AGPAT4: variants seen among roughly 807,000 people sequenced by gnomAD.
AGPAT4 encodes 1-acyl-sn-glycerol-3-phosphate acyltransferase delta.
Under a neutral mutation model 48.0 loss-of-function variants are expected in AGPAT4, and 15 were observed. That is an observed-to-expected ratio of 0.31 (90% CI 0.21 to 0.48). AGPAT4 has a LOEUF of 0.48. AGPAT4 is among the 20% of genes least tolerant of loss of function. The pLI, the probability that AGPAT4 is intolerant of heterozygous loss-of-function variation, is 0.99. For missense variants in AGPAT4, 314 were observed against 482.5 expected, an observed-to-expected ratio of 0.65 and a Z score of 3.27; for synonymous variants, 178 against 198.7, an observed-to-expected ratio of 0.90 and a Z score of 0.88.
rs575702737 is a variant in AGPAT4, at chr6:161,184,396, G to A, written c.179-17979C>T. 7.2e-5 allele frequency among the ~76,000 whole-genome samples: 11 copies of A among 152,200 alleles called. No homozygotes were observed. In the South Asian group the frequency reaches 2.1e-3, roughly 29 times the overall value. ...GTCCTGAATAGCTGGGGAAGGACTT[G>A]CTGTTAACTGGGTTGGGGAGCATGG... On this transcript the variant is annotated intron_variant, in intron 2 of 8. Coordinates refer to ENST00000320285, the MANE Select transcript of AGPAT4 (RefSeq NM_020133.3). This position sits in a 1 kb window ranked among gnomAD's most constrained non-coding sequence, Gnocchi z 4.8.
In AGPAT4 at chr6:161,226,073, T is replaced by C. The variant is rs1474143890; in HGVS notation, c.178+5963A>G. On this transcript the variant is annotated intron_variant, in intron 2 of 8. Transcript: ENST00000320285. The surrounding 1 kb of genome is among the most constrained non-coding windows in gnomAD (Gnocchi z 6.3). ...GGGAAGGCGATCACCATCTGGGAACTGATAAGGATGACTCTTTGGACCTTC... is the reference window on the plus strand; with the variant it reads ...GGGAAGGCGATCACCATCTGGGAACCGATAAGGATGACTCTTTGGACCTTC... Among the ~76,000 whole-genome samples the C allele has an allele frequency of 2.0e-5, 3 of 152,172 alleles. No homozygotes were observed. The highest frequency in any genetic ancestry group is 7.2e-5 in the African/African-American group (3 of 41,446).
In AGPAT4 at chr6:161,134,511, T is replaced by G. The variant is rs1217097746; in HGVS notation, c.*2029A>C. The G allele has an allele frequency of 6.6e-6, 1 of 152,166 alleles. No individual in the cohort carries two copies. Among genetic ancestry groups the G allele is most frequent in the East Asian group, 1.9e-4 (1 of 5,190 alleles). The allele number at this position is 152,166 out of a possible 1,614,324, so 9.4% of individuals were successfully genotyped here. On this transcript the variant is annotated 3_prime_UTR_variant, in exon 9 of 9. Transcript: ENST00000320285. ...CCTTGGCTTAGTGCTTTAGGATTCT[T>G]AAAGTGTGCTCTTTTACCCTTGACA... is the stretch of plus-strand genomic sequence containing the variant.
At position 161,171,031 on chromosome 6, in the gene AGPAT4, T is replaced by G. The variant is rs1330524179; in HGVS notation, c.179-4614A>C. On this transcript the variant is annotated intron_variant, in intron 2 of 8. Transcript: ENST00000320285. This position sits in a 1 kb window ranked among gnomAD's most constrained non-coding sequence, Gnocchi z 4.4. Reference sequence around the variant, plus strand: ...TATTATTTAGAACCTCCAATTTAACTCAGAAAGTTACCAGTGGGCACCTGA... The same window carrying G: ...TATTATTTAGAACCTCCAATTTAACGCAGAAAGTTACCAGTGGGCACCTGA... Among the ~76,000 whole-genome samples, 4 of 152,196 alleles carry G rather than the reference T, an allele frequency of 2.6e-5. No homozygotes were observed. Among genetic ancestry groups the G allele is most frequent in the Non-Finnish European group, 5.9e-5 (4 of 68,030 alleles).
In AGPAT4 at chr6:161,139,823, G is replaced by A. The variant is rs1208710542; in HGVS notation, c.844-203C>T. The stretch of plus-strand genomic sequence containing the variant: ...CTGCATCTGGCCGCCCCTCCCACAG[G>A]GACACTGGGAGTGGTGGGGCCGCTG... On this transcript the variant is annotated intron_variant, in intron 7 of 8. Coordinates refer to ENST00000320285, the MANE Select transcript of AGPAT4 (RefSeq NM_020133.3). The surrounding 1 kb of genome is among the most constrained non-coding windows in gnomAD (Gnocchi z 9.1). 6.6e-6 allele frequency among the ~76,000 whole-genome samples: 1 copy of A among 152,228 alleles called. No individual in the cohort carries two copies. Among genetic ancestry groups the A allele is most frequent in the Non-Finnish European group, 1.5e-5 (1 of 68,036 alleles).
In AGPAT4 at chr6:161,198,736, C is replaced by T. The variant is rs969348770; in HGVS notation, c.179-32319G>A. ...AAGGAACTCCGCAGAGTGCTGGGAACACTATATGCAGTCTGTTTTTTCCTT... is the reference window on the plus strand; with the variant it reads ...AAGGAACTCCGCAGAGTGCTGGGAATACTATATGCAGTCTGTTTTTTCCTT... On this transcript the variant is annotated intron_variant, in intron 2 of 8. Coordinates refer to ENST00000320285, the MANE Select transcript of AGPAT4 (RefSeq NM_020133.3). This position sits in a 1 kb window ranked among gnomAD's most constrained non-coding sequence, Gnocchi z 4.3. Among the ~76,000 whole-genome samples the T allele has an allele frequency of 2.1e-5, 3 of 145,242 alleles. No homozygotes were observed. Among genetic ancestry groups the T allele is most frequent in the African/African-American group, 8.5e-5 (3 of 35,424 alleles).
In AGPAT4 at chr6:161,190,084, G is replaced by A. The variant is rs767063700; in HGVS notation, c.179-23667C>T. Among the ~76,000 whole-genome samples, 7 of 152,182 alleles carry A rather than the reference G, an allele frequency of 4.6e-5. No homozygotes were observed. The South Asian group carries it at 6.2e-4, about 14-fold the overall frequency. On this transcript the variant is annotated intron_variant, in intron 2 of 8. Transcript: ENST00000320285. ...GAAGCTGATGTCATTTAGATGAGCT[G>A]TATCTGAAGTGCAGCCATGTATGTG...
In AGPAT4 at chr6:161,201,657, G is replaced by A. The variant is rs1313915056; in HGVS notation, c.178+30379C>T. Reference sequence around the variant, plus strand: ...TGCAGATTCCTAGATCTGGAGAGAGGAGCCTGAGATTCCCCACTTGTAGCA... The same window carrying A: ...TGCAGATTCCTAGATCTGGAGAGAGAAGCCTGAGATTCCCCACTTGTAGCA... On this transcript the variant is annotated intron_variant, in intron 2 of 8. Transcript: ENST00000320285. The surrounding 1 kb of genome is among the most constrained non-coding windows in gnomAD (Gnocchi z 6.0). Among the ~76,000 whole-genome samples, 2 of 152,308 alleles carry A rather than the reference G, an allele frequency of 1.3e-5. No individual in the cohort carries two copies. The highest frequency in any genetic ancestry group is 4.8e-5 in the African/African-American group (2 of 41,570).
At position 161,161,724 on chromosome 6, in the gene AGPAT4, T is replaced by C. The variant is rs1779941525; in HGVS notation, c.348+4524A>G. On this transcript the variant is annotated intron_variant, in intron 3 of 8. Transcript: ENST00000320285. This position sits in a 1 kb window ranked among gnomAD's most constrained non-coding sequence, Gnocchi z 4.6. ...AGCTGGGGTAAAGGCGGTGAAATAA[T>C]GCTGTGTTGCATGAACACGGTCTCC... 2.9e-6 allele frequency: 1 copy of C among 339,442 alleles called. No homozygotes were observed. Among genetic ancestry groups the C allele is most frequent in the African/African-American group, 2.1e-5 (1 of 46,558 alleles). The allele number at this position is 339,442 out of a possible 1,614,324, so 21.0% of individuals were successfully genotyped here. A position where few individuals can be genotyped will look rare whatever the true frequency, so the allele number is the denominator to read the frequency against.
intron 2 of AGPAT4, among the ~76,000 whole-genome samples, chr6:161,227,425 G>A (rs762768154): frequency 1.1e-4 from 17 of 152,166 alleles, no homozygotes; most frequent in African/African-American, 2.9e-4. Flanking sequence ...CCCAAGGCTC[G>A]GCTGGGTGGA....
Position 161,266,472 on chromosome 6 carries a change from T to C in AGPAT4, c.-90+7466A>G, listed in dbSNP as rs137938099. On this transcript the variant is annotated intron_variant, in intron 1 of 8. Coordinates refer to ENST00000320285, the MANE Select transcript of AGPAT4 (RefSeq NM_020133.3). This position sits in a 1 kb window ranked among gnomAD's most constrained non-coding sequence, Gnocchi z 6.2. ...GAGGACTGTAATCATTGTCATGGCA[T>C]GTAATTATGCATCTAGAAAGAGTGA... Among the ~76,000 whole-genome samples, 1 of 152,278 alleles carries C rather than the reference T, an allele frequency of 6.6e-6. No individual in the cohort carries two copies. Among genetic ancestry groups the C allele is most frequent in the Non-Finnish European group, 1.5e-5 (1 of 68,014 alleles).
chr6:161,161,233 G>A lies in AGPAT4; in HGVS notation c.348+5015C>T, dbSNP rs569843084. The A allele has an allele frequency of 2.3e-4, 104 of 456,600 alleles. No homozygotes were observed. The highest frequency in any genetic ancestry group is 4.0e-4 in the Admixed American group (17 of 42,552). 28.3% of individuals were successfully genotyped at this position (456,600 alleles called of 1,614,324 possible). On this transcript the variant is annotated intron_variant, in intron 3 of 8. Coordinates refer to ENST00000320285, the MANE Select transcript of AGPAT4 (RefSeq NM_020133.3). The surrounding 1 kb of genome is among the most constrained non-coding windows in gnomAD (Gnocchi z 4.6). Reference sequence around the variant, plus strand: ...AGAAGAAGACCCCGGTGTGTCCAACGTGGGACCGGACTTTTACAGATGAGC... The same window carrying A: ...AGAAGAAGACCCCGGTGTGTCCAACATGGGACCGGACTTTTACAGATGAGC...
In AGPAT4 at chr6:161,251,033, C is replaced by T. The variant is rs575567945; in HGVS notation, c.-89-18731G>A. ...TCAGTTTGTTTATTTTTATTCTTAGCTTATTGGAGGTTTAAATTACGATGA... is the reference window on the plus strand; with the variant it reads ...TCAGTTTGTTTATTTTTATTCTTAGTTTATTGGAGGTTTAAATTACGATGA... On this transcript the variant is annotated intron_variant, in intron 1 of 8. Transcript: ENST00000320285. This position sits in a 1 kb window ranked among gnomAD's most constrained non-coding sequence, Gnocchi z 4.6. Among the ~76,000 whole-genome samples, 1 of 152,206 alleles carries T rather than the reference C, an allele frequency of 6.6e-6. No homozygotes were observed. Among genetic ancestry groups the T allele is most frequent in the African/African-American group, 2.4e-5 (1 of 41,540 alleles).
In AGPAT4 at chr6:161,238,079, G is replaced by A. The variant is rs1458618090; in HGVS notation, c.-89-5777C>T. Among the ~76,000 whole-genome samples the A allele has an allele frequency of 1.4e-5, 2 of 143,318 alleles. No homozygotes were observed. The highest frequency in any genetic ancestry group is 3.1e-5 in the Non-Finnish European group (2 of 64,882). The allele number at this position is 143,318 out of a possible 152,430, so 94.0% of individuals were successfully genotyped here. A position where few individuals can be genotyped will look rare whatever the true frequency, so the allele number is the denominator to read the frequency against. The stretch of plus-strand genomic sequence containing the variant: ...GGGGGGCTGGGGGTGGGGGGGTAAT[G>A]GGGGGGTTGGGGGGCGGGAGGCAGA... On this transcript the variant is annotated intron_variant, in intron 1 of 8. Coordinates refer to ENST00000320285, the MANE Select transcript of AGPAT4 (RefSeq NM_020133.3). The surrounding 1 kb of genome is among the most constrained non-coding windows in gnomAD (Gnocchi z 5.2).
In AGPAT4 at chr6:161,244,285, G is replaced by T. The variant is rs1253303594; in HGVS notation, c.-89-11983C>A. Among the ~76,000 whole-genome samples the T allele has an allele frequency of 6.6e-6, 1 of 152,188 alleles. No individual in the cohort carries two copies. The highest frequency in any genetic ancestry group is 1.5e-5 in the Non-Finnish European group (1 of 68,032). On this transcript the variant is annotated intron_variant, in intron 1 of 8. Coordinates refer to ENST00000320285, the MANE Select transcript of AGPAT4 (RefSeq NM_020133.3). This position sits in a 1 kb window ranked among gnomAD's most constrained non-coding sequence, Gnocchi z 4.7. ...AGGAAGTCTTCCGGGCAGGGGTGAG[G>T]ATGGGGCTGACACCAACGCAGACAG...
At chr6:161,175,738 A>G (rs1780410753) in intron 2 of AGPAT4, among the ~76,000 whole-genome samples, 1 of 152,074 alleles carries the variant, frequency 6.6e-6, no homozygotes, top group African/African-American at 2.4e-5. Context: ...TAGGGTGTCA[A>G]TTTTAGATCT....
chr6:161,173,995 AT>A (rs915534352), intron 2 of AGPAT4, among the ~76,000 whole-genome samples: 181 of 152,146 alleles, frequency 1.2e-3, no homozygotes, highest in African/African-American at 4.0e-3. Context: ...GTTCTGTTCC[AT>A]TGGTCTATAT....
At chr6:161,168,124 T>TGGGGGGGGGGGAGGGGG (rs202066669) in intron 2 of AGPAT4, among the ~76,000 whole-genome samples, 1 of 111,542 alleles carries the variant, frequency 9.0e-6, no homozygotes, top group African/African-American at 4.8e-5. Flanking sequence ...AGGAAGGCGG[T>TGGGGGGGGGGGAGGGGG]GGTGGGGTGG....
At position 161,141,905 on chromosome 6, in the gene AGPAT4, C is replaced by T. The variant is rs1377840862; in HGVS notation, c.844-2285G>A. On this transcript the variant is annotated intron_variant, in intron 7 of 8. Transcript: ENST00000320285. This position sits in a 1 kb window ranked among gnomAD's most constrained non-coding sequence, Gnocchi z 6.7. ...TGAGACAGAGTCTCACTCTGTCGCA[C>T]AGGCTGGAGTGCAATGGCACGATCT... Among the ~76,000 whole-genome samples the T allele has an allele frequency of 6.6e-6, 1 of 152,174 alleles. No individual in the cohort carries two copies. The highest frequency in any genetic ancestry group is 1.5e-5 in the Non-Finnish European group (1 of 68,028).
At chr6:161,203,953 C>G (rs1037909631) in intron 2 of AGPAT4, among the ~76,000 whole-genome samples, 1 of 152,142 alleles carries the variant, frequency 6.6e-6, no homozygotes, top group Admixed American at 6.6e-5. Context: ...TATGATGCTA[C>G]ACAGACTTGC....
Sources: gnomAD v4.1 joint callset for allele counts (sites outside exome capture counted in the v4.1 genomes callset) on GRCh38, gnomAD v4.1.1 for gene constraint, Gnocchi (gnomAD v3.1) non-coding constraint, MANE v1.5 for transcripts, NCBI Gene and HGNC (gene_info 2026-07-23, HGNC 2026-07-21) for gene names.